DRD2: variants seen among roughly 807,000 people sequenced by gnomAD.
DRD2 encodes D(2) dopamine receptor.
A neutral mutation model predicts 38.0 loss-of-function variants in DRD2; 8 were observed. That is an observed-to-expected ratio of 0.21 (90% CI 0.12 to 0.38). The LOEUF (loss-of-function observed/expected upper bound fraction) is 0.38, where lower values mean the gene tolerates loss of function less well. Ranked by LOEUF, DRD2 falls within the 10% of genes least tolerant of loss-of-function variation. DRD2 has a pLI of 1.00. For missense variants in DRD2, 403 were observed against 607.7 expected, an observed-to-expected ratio of 0.66 and a Z score of 3.54; for synonymous variants, 230 against 238.6, an observed-to-expected ratio of 0.96 and a Z score of 0.33.
At chr11:113,465,418 G>A (rs200626323) in intron 1 of DRD2, among the ~76,000 whole-genome samples, 1 of 78,226 alleles carries the variant, frequency 1.3e-5, no homozygotes, top group Admixed American at 1.2e-4. Context: ...GTTGTTGTTT[G>A]TTTGTTTGTT....
At chr11:113,447,301 C>A (rs1242014321) in intron 1 of DRD2, among the ~76,000 whole-genome samples, 3 of 152,100 alleles carry the variant, frequency 2.0e-5, no homozygotes, top group African/African-American at 7.2e-5. Flanking sequence ...ATCATAAAAT[C>A]CTCTCCCCGC....
intron 1 of DRD2, among the ~76,000 whole-genome samples, chr11:113,453,092 C>G (rs1256871351): frequency 1.3e-5 from 2 of 152,254 alleles, no homozygotes; most frequent in East Asian, 3.9e-4. Context: ...TACTTAATCT[C>G]CATCTCCCTC....
At position 113,418,144 on chromosome 11, in the gene DRD2, C is replaced by A. The variant is rs776612281; in HGVS notation, c.286-8G>T. On this transcript the variant is annotated splice_region_variant and splice_polypyrimidine_tract_variant and intron_variant, in intron 2 of 7. Transcript: ENST00000362072. ...TTTCCACTCACCTACCACCTGGGGA[C>A]AAAGCAACATAATGGATGGACAGCA... The A allele has an allele frequency of 1.2e-6, 2 of 1,610,392 alleles. No homozygotes were observed. Among genetic ancestry groups the A allele is most frequent in the Admixed American group, 3.3e-5 (2 of 60,018 alleles).
rs1172884002 is a variant in DRD2 at position 113,412,792 on chromosome 11, CT to C, written c.901del (p.Ser301AlafsTer5). 1 of 1,613,102 alleles carries C rather than the reference CT, an allele frequency of 6.2e-7. No individual in the cohort carries two copies. Among genetic ancestry groups the C allele is most frequent in the Non-Finnish European group, 8.5e-7 (1 of 1,179,604 alleles). On this transcript the variant is annotated frameshift_variant, in exon 7 of 8. Transcript: ENST00000362072. LOFTEE classifies it high-confidence loss of function. ...GTCGGGGAGAGTCAGCTGGTGGTGG[CT>C]GGGTGGGATGGGGCTGTACCGGGTC... ...ERTRYSPIPP[S>X]HHQLTLPDPS...
chr11:113,437,309 A>G (rs946338071), intron 1 of DRD2, among the ~76,000 whole-genome samples: 1 of 152,156 alleles, frequency 6.6e-6, no homozygotes, highest in African/African-American at 2.4e-5. Context: ...GGAGTTGAGT[A>G]TGGATCTAGG....
rs191285961 is a variant in DRD2 at position 113,465,261 on chromosome 11, C to T, written c.-32+9815G>A. Reference sequence around the variant, plus strand: ...GATTACAGGTGTGAGCCACCACATCCGGCTAAGTTTTGTAGTAGAGATGAG... The same window carrying T: ...GATTACAGGTGTGAGCCACCACATCTGGCTAAGTTTTGTAGTAGAGATGAG... On this transcript the variant is annotated intron_variant, in intron 1 of 7. Coordinates refer to ENST00000362072, the MANE Select transcript of DRD2 (RefSeq NM_000795.4). 8.6e-3 allele frequency among the ~76,000 whole-genome samples: 1,305 copies of T among 152,200 alleles called. 6 individuals carry two copies. Among genetic ancestry groups the T allele is most frequent in the Non-Finnish European group, 0.014 (950 of 68,010 alleles).
At chr11:113,431,953 C>A (rs1178913957) in intron 1 of DRD2, among the ~76,000 whole-genome samples, 2 of 152,340 alleles carry the variant, frequency 1.3e-5, no homozygotes, top group East Asian at 3.9e-4. Flanking sequence ...CACTGCCCCC[C>A]AGGAGTAGAG....
At chr11:113,416,819 G>A (rs779932957) in intron 4 of DRD2, 44 bp downstream of exon 4, 9 of 1,607,322 alleles carry the variant, frequency 5.6e-6, no homozygotes, top group Non-Finnish European at 5.9e-6. Context: ...GGGAGCAGGG[G>A]CCCAGGGCCA....
intron 1 of DRD2, among the ~76,000 whole-genome samples, chr11:113,432,482 C>T (rs562245652): frequency 3.3e-5 from 5 of 152,266 alleles, no homozygotes; most frequent in South Asian, 2.1e-4. Context: ...CCTGAAAGTT[C>T]GGCACTTGAA....
At chr11:113,464,025 A>G (rs1951346087) in intron 1 of DRD2, among the ~76,000 whole-genome samples, 1 of 152,168 alleles carries the variant, frequency 6.6e-6, no homozygotes, top group Admixed American at 6.5e-5. Flanking sequence ...GCAGAGGAAC[A>G]ATGGATGTCC....
intron 1 of DRD2, among the ~76,000 whole-genome samples, chr11:113,469,890 T>G (rs965189954): frequency 3.3e-5 from 5 of 151,992 alleles, no homozygotes; most frequent in Non-Finnish European, 5.9e-5. Flanking sequence ...ACAAAAAATG[T>G]AAAAACAAGG....
At chr11:113,451,439 C>A (rs1292675976) in intron 1 of DRD2, among the ~76,000 whole-genome samples, 2 of 152,122 alleles carry the variant, frequency 1.3e-5, no homozygotes, top group African/African-American at 2.4e-5. Context: ...TTCCAGATTT[C>A]TTCCACGTAT....
intron 3 of DRD2, 117 bp from the exon 4 acceptor site, chr11:113,417,116 T>C: frequency 7.0e-7 from 1 of 1,429,740 alleles, no homozygotes; most frequent in Non-Finnish European, 9.4e-7. Flanking sequence ...CACACCTCTA[T>C]GAAGCTTGCC....
chr11:113,455,587 C>A (rs1258019974), intron 1 of DRD2, among the ~76,000 whole-genome samples: 1 of 151,880 alleles, frequency 6.6e-6, no homozygotes, highest in Non-Finnish European at 1.5e-5. Flanking sequence ...TACTCAATAC[C>A]AAGACAAAAA....
At chr11:113,467,931 G>C (rs1402093794) in intron 1 of DRD2, among the ~76,000 whole-genome samples, 1 of 152,216 alleles carries the variant, frequency 6.6e-6, no homozygotes, top group Non-Finnish European at 1.5e-5. Context: ...GTATATCCTT[G>C]AATTTTGTGA....
At chr11:113,419,337 G>A (rs1950859427) in intron 2 of DRD2, among the ~76,000 whole-genome samples, 1 of 152,192 alleles carries the variant, frequency 6.6e-6, no homozygotes, top group Non-Finnish European at 1.5e-5. Flanking sequence ...ACCCGAGTGG[G>A]CTGGGGTAGG....
Position 113,416,849 on chromosome 11 carries a change from A to G in DRD2, c.532+14T>C, listed in dbSNP as rs532435544. 8.7e-6 allele frequency: 14 copies of G among 1,613,192 alleles called. No homozygotes were observed. Among genetic ancestry groups the G allele is most frequent in the Admixed American group, 6.7e-5 (4 of 59,934 alleles). On this transcript the variant is annotated intron_variant, in intron 4 of 7. Coordinates refer to ENST00000362072, the MANE Select transcript of DRD2 (RefSeq NM_000795.4). ...GGGCCAGCTGAGCCTCAGGCAAACAAAAGCAGAATGTACCTGCGTTATTGA... is the reference window on the plus strand; with the variant it reads ...GGGCCAGCTGAGCCTCAGGCAAACAGAAGCAGAATGTACCTGCGTTATTGA...
At chr11:113,461,366 A>G (rs1951317067) in intron 1 of DRD2, among the ~76,000 whole-genome samples, 1 of 152,162 alleles carries the variant, frequency 6.6e-6, no homozygotes, top group Admixed American at 6.5e-5. Context: ...CAGGCCTCCC[A>G]TCCACCACCC....
chr11:113,421,893 C>T (rs1312114898), intron 2 of DRD2, among the ~76,000 whole-genome samples: 1 of 152,188 alleles, frequency 6.6e-6, no homozygotes, highest in Non-Finnish European at 1.5e-5. Flanking sequence ...AGTCTGAGCC[C>T]TGCCCTCTGA....
Sources: gnomAD v4.1 joint callset for allele counts (sites outside exome capture counted in the v4.1 genomes callset) on GRCh38, gnomAD v4.1.1 for gene constraint, MANE v1.5 for transcripts, NCBI Gene and HGNC (gene_info 2026-07-23, HGNC 2026-07-21) for gene names.